The following RNF2 variants were observed in gnomAD, a reference collection of about 807,000 sequenced individuals.
RNF2 encodes E3 ubiquitin-protein ligase RING2.
RNF2 carries 6 observed loss-of-function variants against 37.2 expected under a neutral mutation model. That is an observed-to-expected ratio of 0.16 (90% confidence interval 0.09 to 0.32). The LOEUF is 0.32. RNF2 is among the 10% of genes least tolerant of loss of function. The pLI, the probability that RNF2 is intolerant of heterozygous loss-of-function variation, is 1.00. For synonymous variants in RNF2, 133 were observed against 132.7 expected, an observed-to-expected ratio of 1.00 and a Z score of -0.02; for missense variants, 251 against 404.0, an observed-to-expected ratio of 0.62 and a Z score of 3.25.
intron 2 of RNF2, among the ~76,000 whole-genome samples, chr1:185,090,183 G>A (rs543844528): frequency 2.2e-4 from 33 of 152,256 alleles, no homozygotes; most frequent in Non-Finnish European, 3.8e-4. Context: ...GCCTCCCGAA[G>A]TGCTGGAATT....
chr1:185,094,131 G>GTT (rs201377412), intron 4 of RNF2, among the ~76,000 whole-genome samples: 27 of 146,522 alleles, frequency 1.8e-4, no homozygotes, highest in African/African-American at 4.0e-4. Flanking sequence ...TTTGGAGTCA[G>GTT]TTTTTTTTTT....
intron 1 of RNF2, among the ~76,000 whole-genome samples, chr1:185,052,032 T>G (rs1056303885): frequency 1.3e-5 from 2 of 151,884 alleles, no homozygotes; most frequent in Non-Finnish European, 2.9e-5. Flanking sequence ...CAGGAAAGTT[T>G]CAGTGTTAGC....
At chr1:185,094,933 T>A (rs924969314) in intron 4 of RNF2, among the ~76,000 whole-genome samples, 1 of 152,304 alleles carries the variant, frequency 6.6e-6, no homozygotes, top group East Asian at 1.9e-4. Flanking sequence ...CAGAAAACTT[T>A]CAAATCTCAT....
intron 1 of RNF2, among the ~76,000 whole-genome samples, chr1:185,056,153 C>G (rs1650427993): frequency 6.6e-6 from 1 of 151,858 alleles, no homozygotes; most frequent in African/African-American, 2.4e-5. Flanking sequence ...TTCAGGAGTT[C>G]TCCATTACTT....
At chr1:185,097,093 A>T (rs1651934173) in intron 4 of RNF2, among the ~76,000 whole-genome samples, 1 of 152,100 alleles carries the variant, frequency 6.6e-6, no homozygotes, top group South Asian at 2.1e-4. Flanking sequence ...ACTGGAGGCA[A>T]ATTATTTAAT....
intron 1 of RNF2, among the ~76,000 whole-genome samples, chr1:185,076,574 C>T (rs1247607348): frequency 6.6e-6 from 1 of 150,668 alleles, no homozygotes; most frequent in Non-Finnish European, 1.5e-5. Flanking sequence ...GGGTGAGCCA[C>T]TGCGCCCGGC....
intron 1 of RNF2, among the ~76,000 whole-genome samples, chr1:185,052,278 G>A (rs1884447): frequency 0.5 from 75,248 of 152,004 alleles, 20,269 homozygotes; most frequent in African/African-American, 0.72. Context: ...ACAGGTTCCT[G>A]GCACCGCTAT....
chr1:185,075,034 C>T (rs977412415), intron 1 of RNF2, among the ~76,000 whole-genome samples: 5 of 152,008 alleles, frequency 3.3e-5, no homozygotes, highest in South Asian at 2.1e-4. Flanking sequence ...CTTGCTCTGT[C>T]GCCCAGGCTG....
intron 1 of RNF2, among the ~76,000 whole-genome samples, chr1:185,065,981 C>G (rs531223609): frequency 6.0e-5 from 9 of 150,470 alleles, no homozygotes; most frequent in African/African-American, 2.2e-4. Context: ...GTATCAGCAT[C>G]TACACAGCCA....
chr1:185,058,974 T>A (rs1176347620), intron 1 of RNF2, among the ~76,000 whole-genome samples: 4 of 152,220 alleles, frequency 2.6e-5, no homozygotes, highest in Non-Finnish European at 5.9e-5. Flanking sequence ...GTGCTAATTT[T>A]AGATTTATCA....
chr1:185,047,079 A>C (rs1650141735), intron 1 of RNF2, among the ~76,000 whole-genome samples: 1 of 152,224 alleles, frequency 6.6e-6, no homozygotes, highest in Non-Finnish European at 1.5e-5. Flanking sequence ...TTTTAGCAAA[A>C]TAATAGGTAG....
In RNF2 at chr1:185,087,325, T is replaced by G. The variant is rs571332387; in HGVS notation, c.-2-227T>G. Among the ~76,000 whole-genome samples, 51 of 152,322 alleles carry G rather than the reference T, an allele frequency of 3.3e-4. No homozygotes were observed. The highest frequency in any genetic ancestry group is 1.2e-3 in the African/African-American group (49 of 41,578). On this transcript the variant is annotated intron_variant, in intron 1 of 6. Transcript: ENST00000367510. ...ATAGCTGCTTCTCTGTGTCAGAACA[T>G]GCTGGAAGGGCCAAAAGTTTCCATC...
In RNF2 at chr1:185,092,582, C is replaced by A. The variant is rs574839080; in HGVS notation, c.249-479C>A. On this transcript the variant is annotated intron_variant, in intron 3 of 6. Transcript: ENST00000367510. Reference sequence around the variant, plus strand: ...TATTGAAATCGCTGATTTTTAGACACTTCATAAGATGAGTATTTGTTTTGA... The same window carrying A: ...TATTGAAATCGCTGATTTTTAGACAATTCATAAGATGAGTATTTGTTTTGA... Among the ~76,000 whole-genome samples the A allele has an allele frequency of 1.1e-4, 17 of 152,200 alleles. No individual in the cohort carries two copies. In the East Asian group the frequency reaches 3.3e-3, roughly 29 times the overall value.
Position 185,075,639 on chromosome 1 carries a change from A to AGG in RNF2, c.-2-11912_-2-11911dup, listed in dbSNP as rs150681005. Among the ~76,000 whole-genome samples the AGG allele has an allele frequency of 7.8e-3, 1,191 of 152,310 alleles. 15 individuals are homozygous for AGG. Among genetic ancestry groups the AGG allele is most frequent in the African/African-American group, 0.026 (1,086 of 41,568 alleles). Reference sequence around the variant, plus strand: ...GGTGGAAGGTGAAGGGTGAGCAGGCAGGTCCTACATGTCTGGAGCAGGAGG... The same window carrying AGG: ...GGTGGAAGGTGAAGGGTGAGCAGGCAGGGGTCCTACATGTCTGGAGCAGGAGG... On this transcript the variant is annotated intron_variant, in intron 1 of 6. Transcript: ENST00000367510.
chr1:185,068,915 A>T (rs1650879751), intron 1 of RNF2, among the ~76,000 whole-genome samples: 1 of 152,230 alleles, frequency 6.6e-6, no homozygotes, highest in African/African-American at 2.4e-5. Flanking sequence ...TTACGATTAA[A>T]GCAGCTGTTA....
chr1:185,077,547 A>G (rs1304684011), intron 1 of RNF2, among the ~76,000 whole-genome samples: 1 of 151,412 alleles, frequency 6.6e-6, no homozygotes, highest in African/African-American at 2.4e-5. Flanking sequence ...AGAGTTGAAG[A>G]TAACGTTCTC....
chr1:185,054,533 G>C (rs1333847502), intron 1 of RNF2, among the ~76,000 whole-genome samples: 3 of 151,974 alleles, frequency 2.0e-5, no homozygotes, highest in Non-Finnish European at 1.5e-5. Context: ...TCTCCATTAC[G>C]AGCGCTCTTC....
intron 5 of RNF2, 89 bp from the exon 6 acceptor site, chr1:185,099,702 T>A: frequency 1.2e-5 from 13 of 1,098,134 alleles, no homozygotes; most frequent in Non-Finnish European, 1.6e-5. Flanking sequence ...TTACTTAGTT[T>A]TTAAGAAATG....
chr1:185,087,199 G>T (rs1306601789), intron 1 of RNF2, among the ~76,000 whole-genome samples: 1 of 152,116 alleles, frequency 6.6e-6, no homozygotes, highest in Non-Finnish European at 1.5e-5. Flanking sequence ...ACTTTAGGCT[G>T]GGTAATTTAT....
Sources: allele counts gnomAD v4.1 joint callset (sites outside exome capture counted in the v4.1 genomes callset), GRCh38; gene constraint gnomAD v4.1.1; transcripts MANE v1.5; gene names NCBI Gene and HGNC (gene_info 2026-07-23, HGNC 2026-07-21).